The following GSE1 variants were observed in gnomAD, a reference collection of about 807,000 sequenced individuals.
The protein encoded by GSE1 is genetic suppressor element 1.
Under a neutral mutation model 112.6 loss-of-function variants are expected in GSE1, and 32 were observed. The ratio of observed to expected loss-of-function variants is 0.28; its 90% CI spans 0.21 to 0.38. The LOEUF is 0.38. Among genes scored for constraint, GSE1 ranks in the 10% least tolerant of loss-of-function variants. The pLI, the probability that GSE1 is intolerant of heterozygous loss-of-function variation, is 1.00. For missense variants in GSE1, 2,348 were observed against 1,699.2 expected, an observed-to-expected ratio of 1.38 and a Z score of -6.71; for synonymous variants, 1,115 against 735.6, an observed-to-expected ratio of 1.52 and a Z score of -8.35.
chr16:85,487,515 T>G (rs1346855073), intron 2 of GSE1, among the ~76,000 whole-genome samples: 1 of 152,144 alleles, frequency 6.6e-6, no homozygotes, highest in Non-Finnish European at 1.5e-5. Context: ...AGTGACCACA[T>G]TATTCCCCTT....
At chr16:85,354,211 GT>G (rs1036246492) in intron 1 of GSE1, among the ~76,000 whole-genome samples, 3 of 152,194 alleles carry the variant, frequency 2.0e-5, no homozygotes, top group Non-Finnish European at 4.4e-5. Flanking sequence ...GCCATCTTCT[GT>G]TCTCTACTGA....
intron 2 of GSE1, among the ~76,000 whole-genome samples, chr16:85,459,677 G>A (rs946103862): frequency 5.3e-5 from 8 of 152,204 alleles, no homozygotes; most frequent in Non-Finnish European, 1.0e-4. Context: ...AGGACTCCAC[G>A]GAGTCACTGA....
intron 2 of GSE1, among the ~76,000 whole-genome samples, chr16:85,546,264 T>C (rs2044696953): frequency 6.6e-6 from 1 of 152,094 alleles, no homozygotes. Context: ...TTAGTATTTC[T>C]TAGTAGAGAT....
chr16:85,201,144 C>G (rs749059421), intron 1 of GSE1, among the ~76,000 whole-genome samples: 5 of 152,158 alleles, frequency 3.3e-5, no homozygotes, highest in African/African-American at 4.8e-5. Flanking sequence ...GCAATCATAG[C>G]TCACTGCAGC....
intron 2 of GSE1, among the ~76,000 whole-genome samples, chr16:85,500,162 G>A (rs930023870): frequency 6.6e-6 from 1 of 152,194 alleles, no homozygotes; most frequent in Admixed American, 6.5e-5. Flanking sequence ...AAAATAACCG[G>A]CTGCCAGGTG....
chr16:85,302,635 A>G lies in GSE1; in HGVS notation c.2284-54828A>G, dbSNP rs148833635. On this transcript the variant is annotated intron_variant, in intron 1 of 2. Coordinates refer to the GSE1 transcript ENST00000637419. ...GCTGCTGGTTTAAAATGTGGATTGC[A>G]GGACCTCATCCCCAGAGCCTCTGAA... Among the ~76,000 whole-genome samples the G allele has an allele frequency of 2.1e-4, 32 of 152,330 alleles. No homozygotes were observed. In the South Asian group the frequency reaches 2.5e-3, roughly 12 times the overall value.
chr16:85,383,914 C>G (rs1016700205), intron 2 of GSE1, among the ~76,000 whole-genome samples: 2 of 152,220 alleles, frequency 1.3e-5, no homozygotes, highest in Non-Finnish European at 2.9e-5. Flanking sequence ...GGATTGTGTC[C>G]TTGGCCCAGG....
At chr16:85,174,806 G>T (rs1025201409) in intron 1 of GSE1, among the ~76,000 whole-genome samples, 1 of 152,226 alleles carries the variant, frequency 6.6e-6, no homozygotes, top group Non-Finnish European at 1.5e-5. Flanking sequence ...CTCCGGGCAG[G>T]GGAGAAGCCT....
chr16:85,656,214 G>T (rs1014408440), intron 6 of GSE1, 129 bp from the exon 7 acceptor site: 1 of 1,194,190 alleles, frequency 8.4e-7, no homozygotes, highest in Non-Finnish European at 1.2e-6. Context: ...AGTGAAACCC[G>T]GCTCACCTCC....
intron 2 of GSE1, among the ~76,000 whole-genome samples, chr16:85,646,029 T>C (rs528966635): frequency 3.4e-5 from 5 of 147,448 alleles, no homozygotes; most frequent in African/African-American, 1.3e-4. Flanking sequence ...ACGCTTTCTA[T>C]GCATGCATTC....
chr16:85,571,352 T>G (rs958793873), intron 1 of GSE1, among the ~76,000 whole-genome samples: 8 of 152,192 alleles, frequency 5.3e-5, no homozygotes, highest in African/African-American at 1.9e-4. Flanking sequence ...TGATCAAAAT[T>G]AAAGAAAATG....
intron 2 of GSE1, chr16:85,359,253 G>A: frequency 2.7e-6 from 1 of 376,608 alleles, no homozygotes; most frequent in South Asian, 1.9e-5. Context: ...GTTTGGCGAT[G>A]CGTCCTCCTG....
intron 1 of GSE1, among the ~76,000 whole-genome samples, chr16:85,294,643 C>CTCTCTG (rs1555554743): frequency 3.8e-4 from 50 of 131,966 alleles, no homozygotes; most frequent in African/African-American, 1.5e-3. Context: ...CTCTCTCTCT[C>CTCTCTG]TCTCTCTCTC....
At chr16:85,575,004 A>G (rs1241809001) in intron 1 of GSE1, among the ~76,000 whole-genome samples, 1 of 152,168 alleles carries the variant, frequency 6.6e-6, no homozygotes, top group East Asian at 1.9e-4. Flanking sequence ...GGCTTGCTTC[A>G]AAGGTTAATC....
At chr16:85,403,885 G>C (rs1207044332) in intron 2 of GSE1, among the ~76,000 whole-genome samples, 1 of 152,168 alleles carries the variant, frequency 6.6e-6, no homozygotes, top group Admixed American at 6.5e-5. Flanking sequence ...GGGCAGGGCT[G>C]CACCCCCTTC....
intron 1 of GSE1, among the ~76,000 whole-genome samples, chr16:85,192,405 G>A (rs894010345): frequency 6.6e-5 from 10 of 152,228 alleles, no homozygotes; most frequent in Non-Finnish European, 1.0e-4. Context: ...AAGTTAGGAC[G>A]TGTTAGAGCA....
chr16:85,468,903 A>G (rs116155836), intron 2 of GSE1, among the ~76,000 whole-genome samples: 1 of 152,214 alleles, frequency 6.6e-6, no homozygotes. Context: ...TTATTTGGAA[A>G]TAGTTTCTTT....
intron 2 of GSE1, among the ~76,000 whole-genome samples, chr16:85,468,983 G>A (rs2050205634): frequency 6.6e-6 from 1 of 152,170 alleles, no homozygotes; most frequent in Admixed American, 6.5e-5. Flanking sequence ...GGCTGGGCGT[G>A]GTGGCTTACA....
chr16:85,653,211 CCCTCCCCCTCCTCCT>C (rs2051542160), intron 3 of GSE1, among the ~76,000 whole-genome samples: 2 of 132 alleles, frequency 0.015, no homozygotes, highest in African/African-American at 0.018. Context: ...CCCTCCTCCC[CCCTCCCCCTCCTCCT>C]CCTCCTCCCC....
Sources: allele counts gnomAD v4.1 joint callset (sites outside exome capture counted in the v4.1 genomes callset), GRCh38; gene constraint gnomAD v4.1.1; transcripts MANE v1.5; gene names NCBI Gene and HGNC (gene_info 2026-07-23, HGNC 2026-07-21).